HCFC2: variants seen among roughly 807,000 people sequenced by gnomAD.
The protein encoded by HCFC2 is host cell factor C2, also known as host cell factor 2.
In HCFC2, 18 loss-of-function variants were observed where a neutral mutation model predicts 89.2. That is an observed-to-expected ratio of 0.20 (90% CI 0.14 to 0.30). HCFC2 has a LOEUF of 0.30. HCFC2 is among the 10% of genes least tolerant of loss of function. The pLI is 1.00. For missense variants in HCFC2, 578 were observed against 956.1 expected, an observed-to-expected ratio of 0.60 and a Z score of 5.21; for synonymous variants, 308 against 335.7, an observed-to-expected ratio of 0.92 and a Z score of 0.90.
chr12:104,078,086 C>G (rs1029017028), intron 3 of HCFC2, among the ~76,000 whole-genome samples: 8 of 152,260 alleles, frequency 5.3e-5, no homozygotes, highest in Admixed American at 3.9e-4. Flanking sequence ...GCAAGCTCTG[C>G]CTCCCGGGTT....
chr12:104,076,227 C>T (rs1883492098), intron 3 of HCFC2, among the ~76,000 whole-genome samples: 1 of 152,208 alleles, frequency 6.6e-6, no homozygotes, highest in African/African-American at 2.4e-5. Context: ...GTAATCTTCC[C>T]ACCTCAGCCT....
chr12:104,083,519 A>G (rs1283374376), intron 7 of HCFC2, among the ~76,000 whole-genome samples: 1 of 152,224 alleles, frequency 6.6e-6, no homozygotes, highest in Non-Finnish European at 1.5e-5. Flanking sequence ...CTGGAACAAA[A>G]AAAGACATTA....
At chr12:104,067,900 G>A (rs1883199174) in intron 2 of HCFC2, 47 bp from the exon 3 acceptor site, 5 of 1,531,416 alleles carry the variant, frequency 3.3e-6, no homozygotes, top group East Asian at 4.7e-5. Context: ...ATATAGGAGT[G>A]CTTTCTTGAT....
rs780335746 is a variant in HCFC2, at chr12:104,066,364, G to A, written c.312+49G>A. The A allele has an allele frequency of 2.5e-5, 35 of 1,401,796 alleles. No individual in the cohort carries two copies. The South Asian group carries it at 4.7e-4, about 19-fold the overall frequency. The allele number at this position is 1,401,796 out of a possible 1,614,324, so 86.8% of individuals were successfully genotyped here. On this transcript the variant is annotated intron_variant, in intron 2 of 14. Transcript: ENST00000229330. Reference sequence around the variant, plus strand: ...ATTCTGAGGCTTTAATAATGATATTGTTCATAATTTTTCAAAAGATTGCAA... The same window carrying A: ...ATTCTGAGGCTTTAATAATGATATTATTCATAATTTTTCAAAAGATTGCAA...
intron 3 of HCFC2, 100 bp from the exon 4 acceptor site, chr12:104,079,345 C>A: frequency 2.0e-6 from 2 of 975,634 alleles, no homozygotes; most frequent in Non-Finnish European, 3.0e-6. Context: ...ACTATATGAA[C>A]TTTTCACAGT....
intron 3 of HCFC2, among the ~76,000 whole-genome samples, chr12:104,075,963 A>C (rs569486286): frequency 2.8e-4 from 43 of 152,072 alleles, no homozygotes; most frequent in Non-Finnish European, 5.0e-4. Flanking sequence ...AAGATCTCCA[A>C]GTGGAAAGTT....
In HCFC2 at chr12:104,101,976, T is replaced by C. The variant is rs769376705; in HGVS notation, c.1887T>C (p.Asn629=). Residue 629 remains asparagine (N), a synonymous_variant, in exon 14 of 15, where the codon AAT becomes AAC. Transcript: ENST00000229330. Reference sequence around the variant, plus strand: ...CATATACTACATTTTAGGTAGGAAATGCAGATGTACCTGACTACAGCTTGC... The same window carrying C: ...CATATACTACATTTTAGGTAGGAAACGCAGATGTACCTGACTACAGCTTGC... ...KGKQSISKVG[N]ADVPDYSLLK... is the part of the protein sequence containing the mutation. The C allele has an allele frequency of 2.5e-6, 4 of 1,593,144 alleles. No individual in the cohort carries two copies. The highest frequency in any genetic ancestry group is 1.7e-5 in the Admixed American group (1 of 59,424).
chr12:104,097,028 G>A (rs538234988), intron 12 of HCFC2, among the ~76,000 whole-genome samples: 1 of 152,116 alleles, frequency 6.6e-6, no homozygotes, highest in South Asian at 2.1e-4. Flanking sequence ...TGGTATGCAT[G>A]GCACCAAACT....
intron 9 of HCFC2, among the ~76,000 whole-genome samples, chr12:104,089,407 T>C (rs1883959900): frequency 6.6e-6 from 1 of 152,012 alleles, no homozygotes. Flanking sequence ...TCCCAGCTAC[T>C]TGGGAGGCTG....
chr12:104,098,147 T>C, intron 12 of HCFC2, 196 bp from the exon 13 acceptor site: 1 of 456,338 alleles, frequency 2.2e-6, no homozygotes, highest in East Asian at 3.4e-5. Flanking sequence ...TGCCTGTCAC[T>C]CCTGTGTTTG....
chr12:104,093,353 G>T (rs1012523856), intron 9 of HCFC2, 33 bp from the exon 10 acceptor site: 1 of 1,465,328 alleles, frequency 6.8e-7, no homozygotes. Context: ...ATTGAATATT[G>T]CTTACTACAG....
At chr12:104,072,957 A>G (rs1010831584) in intron 3 of HCFC2, among the ~76,000 whole-genome samples, 2 of 151,220 alleles carry the variant, frequency 1.3e-5, no homozygotes. Flanking sequence ...TTGGTTTCTT[A>G]ATTTCATTTC....
intron 3 of HCFC2, among the ~76,000 whole-genome samples, chr12:104,069,286 A>G (rs907334562): frequency 6.6e-6 from 1 of 152,210 alleles, no homozygotes; most frequent in Non-Finnish European, 1.5e-5. Flanking sequence ...AGCCTGGGTG[A>G]CAGAGTTAGA....
chr12:104,088,116 A>G (rs573051619), intron 9 of HCFC2, 78 bp downstream of exon 9: 9 of 960,696 alleles, frequency 9.4e-6, no homozygotes, highest in African/African-American at 3.4e-5. Flanking sequence ...TTAGCATACT[A>G]CTACTCTAGA....
intron 7 of HCFC2, among the ~76,000 whole-genome samples, chr12:104,085,351 T>C (rs1248979310): frequency 6.6e-6 from 1 of 152,028 alleles, no homozygotes; most frequent in Admixed American, 6.5e-5. Context: ...AAGAAAAAAA[T>C]ATAGAAAATT....
chr12:104,093,639 G>A (rs1884094144), intron 10 of HCFC2, 76 bp downstream of exon 10: 1 of 1,308,410 alleles, frequency 7.6e-7, no homozygotes, highest in Non-Finnish European at 1.1e-6. Flanking sequence ...AAAAGTAAAT[G>A]TTGTACAGTT....
At chr12:104,102,892 CAACAT>C (rs1380830071) in intron 14 of HCFC2, 62 bp from the exon 15 acceptor site, 9 of 1,261,732 alleles carry the variant, frequency 7.1e-6, no homozygotes, top group East Asian at 2.4e-5. Flanking sequence ...AAGATAGACT[CAACAT>C]AATAAGTGAT....
At chr12:104,067,885 T>G (rs770678076) in intron 2 of HCFC2, 62 bp from the exon 3 acceptor site, 6 of 1,444,968 alleles carry the variant, frequency 4.2e-6, no homozygotes, top group Non-Finnish European at 5.5e-6. Context: ...GTTGCACTAT[T>G]GACAATATAG....
chr12:104,073,612 C>A (rs527979212), intron 3 of HCFC2, among the ~76,000 whole-genome samples: 1 of 152,276 alleles, frequency 6.6e-6, no homozygotes, highest in African/African-American at 2.4e-5. Context: ...TCTTCTAGTT[C>A]ATTCAAACTT....
Sources: allele counts gnomAD v4.1 joint callset (sites outside exome capture counted in the v4.1 genomes callset), GRCh38; gene constraint gnomAD v4.1.1; transcripts MANE v1.5; gene names NCBI Gene and HGNC (gene_info 2026-07-23, HGNC 2026-07-21).